Variants in FAM107A observed in about 807,000 individuals in gnomAD.
The protein encoded by FAM107A is actin-associated protein FAM107A.
FAM107A carries 19 observed loss-of-function variants against 13.7 expected under a neutral mutation model. The ratio of observed to expected loss-of-function variants is 1.38; its 90% CI spans 0.97 to 2.03. The LOEUF (loss-of-function observed/expected upper bound fraction) is 2.03, where lower values mean the gene tolerates loss of function less well. Ranked by LOEUF, FAM107A falls within the 30% of genes most tolerant of loss-of-function variation. FAM107A has a pLI of 0.00. For synonymous variants in FAM107A, 82 were observed against 74.5 expected, an observed-to-expected ratio of 1.10 and a Z score of -0.52; for missense variants, 203 against 184.4, an observed-to-expected ratio of 1.10 and a Z score of -0.58.
intron 1 of FAM107A, among the ~76,000 whole-genome samples, chr3:58,600,277 T>C (rs1484737974): frequency 1.3e-5 from 2 of 152,124 alleles, no homozygotes; most frequent in African/African-American, 2.4e-5. Context: ...TTTACCCCAT[T>C]TTACAGACAA....
In FAM107A at chr3:58,567,040, C is replaced by T. The variant is rs1241947112; in HGVS notation, c.327+168G>A. 24 of 808,816 alleles carry T rather than the reference C, an allele frequency of 3.0e-5. No homozygotes were observed. In the Admixed American group the frequency reaches 4.5e-4, roughly 15 times the overall value. The allele number at this position is 808,816 out of a possible 1,614,324, so 50.1% of individuals were successfully genotyped here. ...TCAGGGAAGCCACTCGCCCTAAGGA[C>T]CTAGCAAAGTGAATGGCAGAGGGAG... On this transcript the variant is annotated intron_variant, in intron 3 of 3. Coordinates refer to ENST00000360997, the MANE Select transcript of FAM107A (RefSeq NM_001076778.3).
In FAM107A at chr3:58,572,818, G is replaced by T. The variant is rs186593612; in HGVS notation, c.-5-2953C>A. The T allele has an allele frequency of 9.7e-3, 1,485 of 152,316 alleles. 24 individuals carry two copies. The highest frequency in any genetic ancestry group is 0.048 in the South Asian group (232 of 4,830). The allele number at this position is 152,316 out of a possible 1,614,324, so 9.4% of individuals were successfully genotyped here. Reference sequence around the variant, plus strand: ...AAGTTGCCGGCCAGCCAGTGGGTTGGCTGCCCCAGGGCCAGACGGTCGGAC... The same window carrying T: ...AAGTTGCCGGCCAGCCAGTGGGTTGTCTGCCCCAGGGCCAGACGGTCGGAC... On this transcript the variant is annotated intron_variant, in intron 1 of 3. Coordinates refer to ENST00000360997, the MANE Select transcript of FAM107A (RefSeq NM_001076778.3).
At chr3:58,594,974 C>A (rs1335955908) in intron 1 of FAM107A, among the ~76,000 whole-genome samples, 1 of 152,120 alleles carries the variant, frequency 6.6e-6, no homozygotes, top group African/African-American at 2.4e-5. Context: ...TTTATTTGGA[C>A]CTTGTGTCTT....
chr3:58,621,428 G>C (rs917760792), intron 1 of FAM107A, among the ~76,000 whole-genome samples: 13 of 152,044 alleles, frequency 8.6e-5, no homozygotes, highest in African/African-American at 3.1e-4. Flanking sequence ...AATGATTTTT[G>C]AACAAGGGAC....
intron 1 of FAM107A, among the ~76,000 whole-genome samples, chr3:58,575,155 GC>G (rs1407694824): frequency 6.6e-6 from 1 of 152,208 alleles, no homozygotes; most frequent in East Asian, 1.9e-4. Context: ...TGACACATAA[GC>G]CAGTAAAGCA....
chr3:58,620,624 G>C (rs182212760), intron 1 of FAM107A, among the ~76,000 whole-genome samples: 5 of 152,214 alleles, frequency 3.3e-5, no homozygotes, highest in Non-Finnish European at 7.3e-5. Flanking sequence ...GAGGGATGAC[G>C]CTGTGGAATG....
chr3:58,614,928 C>T (rs2065887601), intron 1 of FAM107A, among the ~76,000 whole-genome samples: 1 of 152,196 alleles, frequency 6.6e-6, no homozygotes, highest in African/African-American at 2.4e-5. Flanking sequence ...ACCTCAGCCT[C>T]CTGAGTAGCT....
chr3:58,619,056 A>C (rs1179036458), intron 1 of FAM107A, among the ~76,000 whole-genome samples: 1 of 152,170 alleles, frequency 6.6e-6, no homozygotes, highest in Non-Finnish European at 1.5e-5. Context: ...GATGGAGTGC[A>C]GTGGTGCTAC....
intron 1 of FAM107A, chr3:58,607,758 G>C (rs1485476439): frequency 1.3e-5 from 2 of 152,222 alleles, no homozygotes; most frequent in East Asian, 3.9e-4. Context: ...CTTAGGACCT[G>C]AGGGCAGCCT....
At chr3:58,581,742 C>A (rs17059421), upstream of FAM107A, among the ~76,000 whole-genome samples, 658 of 152,148 alleles carry the variant, frequency 4.3e-3, 7 homozygotes, top group African/African-American at 0.015. Context: ...AAGTTTGAAC[C>A]GGGAAGAATT....
chr3:58,589,401 A>T (rs149810347), upstream of FAM107A: 27 of 621,616 alleles, frequency 4.3e-5, no homozygotes, highest in African/African-American at 4.2e-4. Context: ...TCCTCTCCAG[A>T]GAAAGAAATT....
At chr3:58,567,483 GC>G (rs2108036034) in intron 2 of FAM107A, 119 bp from the exon 3 acceptor site, 1 of 1,128,158 alleles carries the variant, frequency 8.9e-7, no homozygotes, top group African/African-American at 1.5e-5. Flanking sequence ...CCTCCCTGTA[GC>G]CTTGGAGGTG....
intron 1 of FAM107A, among the ~76,000 whole-genome samples, chr3:58,576,192 C>A (rs1441680875): frequency 6.6e-6 from 1 of 152,218 alleles, no homozygotes; most frequent in Non-Finnish European, 1.5e-5. Flanking sequence ...TGCTCGGAAG[C>A]CCCCAGCAGA....
intron 1 of FAM107A, among the ~76,000 whole-genome samples, chr3:58,603,431 G>A (rs550561442): frequency 6.6e-6 from 1 of 152,282 alleles, no homozygotes; most frequent in East Asian, 1.9e-4. Flanking sequence ...TTGAAATGGG[G>A]ACTTGCTGCA....
chr3:58,601,924 C>T (rs752255449), intron 1 of FAM107A, among the ~76,000 whole-genome samples: 6 of 152,040 alleles, frequency 3.9e-5, no homozygotes, highest in Non-Finnish European at 8.8e-5. Flanking sequence ...TGGATGGGGC[C>T]GGGAGAGGGG....
intron 1 of FAM107A, among the ~76,000 whole-genome samples, chr3:58,594,198 G>C (rs190270677): frequency 1.0e-3 from 155 of 152,234 alleles, no homozygotes; most frequent in African/African-American, 3.6e-3. Flanking sequence ...ACTGACAAAC[G>C]TAAAAACATT....
At chr3:58,606,303 C>T (rs2065794496) in intron 1 of FAM107A, among the ~76,000 whole-genome samples, 1 of 152,178 alleles carries the variant, frequency 6.6e-6, no homozygotes, top group South Asian at 2.1e-4. Context: ...ACCATGTTGG[C>T]CAGGCTGGTC....
At chr3:58,620,321 C>T (rs2065941743) in intron 1 of FAM107A, among the ~76,000 whole-genome samples, 1 of 152,180 alleles carries the variant, frequency 6.6e-6, no homozygotes, top group Non-Finnish European at 1.5e-5. Flanking sequence ...ATCTCTCTGA[C>T]CTTCCCAGCC....
intron 2 of FAM107A, among the ~76,000 whole-genome samples, chr3:58,568,061 C>T (rs2108036924): frequency 1.3e-5 from 2 of 152,166 alleles, no homozygotes; most frequent in African/African-American, 4.8e-5. Flanking sequence ...CTCGGCCTCC[C>T]AAAGTGTTGG....
Sources: allele counts gnomAD v4.1 joint callset (sites outside exome capture counted in the v4.1 genomes callset), GRCh38; gene constraint gnomAD v4.1.1; transcripts MANE v1.5; gene names NCBI Gene and HGNC (gene_info 2026-07-23, HGNC 2026-07-21).